Variants in PRKG1 observed in about 807,000 individuals in gnomAD.
PRKG1 encodes cGMP-dependent protein kinase 1.
In PRKG1, 35 loss-of-function variants were observed where a neutral mutation model predicts 88.1. The observed-to-expected ratio is 0.40, with a 90% CI of 0.30 to 0.53. PRKG1 has a LOEUF of 0.53. PRKG1 is among the 20% of genes least tolerant of loss of function. The pLI is 0.59. For synonymous variants in PRKG1, 303 were observed against 292.5 expected (o/e 1.04, Z -0.37); for missense variants, 540 against 839.8 (o/e 0.64, Z 4.41).
At chr10:51,732,078 G>T (rs1275175269) in intron 3 of PRKG1, among the ~76,000 whole-genome samples, 2 of 114,566 alleles carry the variant, frequency 1.7e-5, no homozygotes, top group African/African-American at 3.4e-5. Context: ...TGTTTTTGTT[G>T]AAACAGAGTC....
At position 51,074,750 on chromosome 10, in the gene PRKG1, C is replaced by G. The variant is rs1326285215; in HGVS notation, c.160C>G (p.Arg54Gly). ...GCTGGACAAGTACCGCTCGGTGATC[C>G]GACCAGCCACCCAGCAGGCGCAGAA... The part of the protein sequence containing the change: ...NELDKYRSVI[R>G]PATQQAQKQS... Residue 54 changes from arginine to glycine, a missense_variant, in exon 1 of 18, where the codon CGA (arginine) becomes GGA (glycine). Physicochemically the swap from Arg to Gly is moderately radical, Grantham distance 125. Coordinates refer to ENST00000373980, the MANE Select transcript of PRKG1 (RefSeq NM_006258.4). The G allele has an allele frequency of 3.7e-6, 6 of 1,613,946 alleles. No individual in the cohort carries two copies. The highest frequency in any genetic ancestry group is 1.1e-5 in the South Asian group (1 of 91,040).
chr10:51,269,706 A>T (rs571869560), intron 2 of PRKG1, among the ~76,000 whole-genome samples: 1 of 152,100 alleles, frequency 6.6e-6, no homozygotes, highest in African/African-American at 2.4e-5. Context: ...GACTTTAGGG[A>T]CTCAGGCGGA....
chr10:51,604,657 T>C (rs1200648391), intron 3 of PRKG1, among the ~76,000 whole-genome samples: 1 of 152,206 alleles, frequency 6.6e-6, no homozygotes, highest in Non-Finnish European at 1.5e-5. Context: ...AGAGTTTCTT[T>C]ATTCCAATCA....
intron 2 of PRKG1, among the ~76,000 whole-genome samples, chr10:51,433,458 T>G (rs1219882508): frequency 6.6e-6 from 1 of 152,050 alleles, no homozygotes; most frequent in Non-Finnish European, 1.5e-5. Flanking sequence ...AGATCACAGA[T>G]GGAAAGTCCA....
intron 9 of PRKG1, among the ~76,000 whole-genome samples, chr10:52,251,209 A>G (rs2132399960): frequency 6.6e-6 from 1 of 152,228 alleles, no homozygotes; most frequent in South Asian, 2.1e-4. Flanking sequence ...AAGCAAAACC[A>G]AAAAATCTAA....
chr10:51,825,218 G>A (rs1390853063), intron 4 of PRKG1, among the ~76,000 whole-genome samples: 1 of 152,010 alleles, frequency 6.6e-6, no homozygotes, highest in Non-Finnish European at 1.5e-5. Context: ...TTTCTGTATG[G>A]GCTAGAAATT....
intron 3 of PRKG1, among the ~76,000 whole-genome samples, chr10:51,687,632 G>T (rs1197504910): frequency 6.6e-6 from 1 of 152,170 alleles, no homozygotes; most frequent in Non-Finnish European, 1.5e-5. Context: ...AGATTTGTGG[G>T]ATTAGAGAAC....
At chr10:52,099,686 TATAAG>T (rs1847252101) in intron 7 of PRKG1, among the ~76,000 whole-genome samples, 2 of 152,218 alleles carry the variant, frequency 1.3e-5, no homozygotes, top group Non-Finnish European at 2.9e-5. Context: ...CAGGGTCATC[TATAAG>T]ATGTTACCAT....
rs780463877 is a variant in PRKG1 at position 51,074,789 on chromosome 10, A to T, written c.199A>T (p.Thr67Ser). 1 of 1,613,836 alleles carries T rather than the reference A, an allele frequency of 6.2e-7. No individual in the cohort carries two copies. The highest frequency in any genetic ancestry group is 1.7e-5 in the Admixed American group (1 of 59,996). The change falls in exon 1 of 18, where the codon ACC becomes TCC. Residue 67 changes from threonine to serine, a missense_variant. Thr to Ser is a moderately conservative substitution (Grantham distance 58). This residue lies in a region of PRKG1 where 400 missense variants were observed against 562.7 expected (regional missense o/e 0.71). Transcript: ENST00000373980. ...TQQAQKQSASTLQGEPRTKRQ... is the reference protein window; with the variant it reads ...TQQAQKQSASSLQGEPRTKRQ... ...GCAGGCGCAGAAGCAGAGCGCGAGC[A>T]CCTTGCAGGGCGAGCCGCGCACCAA...
At chr10:51,716,735 C>G (rs1186679874) in intron 3 of PRKG1, among the ~76,000 whole-genome samples, 1 of 152,142 alleles carries the variant, frequency 6.6e-6, no homozygotes, top group Non-Finnish European at 1.5e-5. Context: ...GTCTGTTGCA[C>G]AGGCCAGAGT....
Position 51,684,393 on chromosome 10 carries a change from G to A in PRKG1, c.593-120192G>A, listed in dbSNP as rs370402988. Reference sequence around the variant, plus strand: ...GGGTGATGAATATGTTCTAAATGTAGGTGTGGTGGTGGCTGCACAACTCTA... The same window carrying A: ...GGGTGATGAATATGTTCTAAATGTAAGTGTGGTGGTGGCTGCACAACTCTA... On this transcript the variant is annotated intron_variant, in intron 3 of 17. Coordinates refer to ENST00000373980, the MANE Select transcript of PRKG1 (RefSeq NM_006258.4). Among the ~76,000 whole-genome samples, 22 of 152,124 alleles carry A rather than the reference G, an allele frequency of 1.4e-4. No homozygotes were observed. In the East Asian group the frequency reaches 3.9e-3, roughly 27 times the overall value.
chr10:51,773,894 C>T (rs1265514953), intron 3 of PRKG1, among the ~76,000 whole-genome samples: 1 of 152,070 alleles, frequency 6.6e-6, no homozygotes, highest in Non-Finnish European at 1.5e-5. Flanking sequence ...GCAACTATGT[C>T]ATTTTCACCC....
intron 3 of PRKG1, among the ~76,000 whole-genome samples, chr10:51,590,270 T>G (rs1481307826): frequency 6.6e-6 from 1 of 152,180 alleles, no homozygotes; most frequent in African/African-American, 2.4e-5. Flanking sequence ...CTTCTTTGTC[T>G]TCCTATTGCA....
chr10:51,877,802 T>G (rs570316002), intron 4 of PRKG1, among the ~76,000 whole-genome samples: 1 of 152,338 alleles, frequency 6.6e-6, no homozygotes, highest in South Asian at 2.1e-4. Context: ...ATAAAGATAA[T>G]TTGAAGTATA....
intron 3 of PRKG1, among the ~76,000 whole-genome samples, chr10:51,469,061 C>G (rs1197603573): frequency 6.6e-6 from 1 of 151,710 alleles, no homozygotes; most frequent in African/African-American, 2.4e-5. Flanking sequence ...CATGTTTTTA[C>G]TTCAAGTGAT....
At chr10:51,376,770 G>A (rs574704595) in intron 2 of PRKG1, among the ~76,000 whole-genome samples, 142 of 152,168 alleles carry the variant, frequency 9.3e-4, no homozygotes, top group African/African-American at 3.3e-3. Context: ...CACCTCCTGC[G>A]TTCAAGTGAT....
rs1233543001 is a variant in PRKG1, at chr10:50,991,241, C to T, written c.-138C>T. 3 of 1,301,174 alleles carry T rather than the reference C, an allele frequency of 2.3e-6. No individual in the cohort carries two copies. In the African/African-American group the frequency reaches 4.8e-5, roughly 21 times the overall value. The allele number at this position is 1,301,174 out of a possible 1,614,324, so 80.6% of individuals were successfully genotyped here. The stretch of plus-strand genomic sequence containing the variant: ...CCCCGCGCCGCATTAGGGGCGCACT[C>T]CGCCGCGCTCGAGTACTTAGCGCCC... On this transcript the variant is annotated 5_prime_UTR_variant, in exon 1 of 18. Coordinates refer to the PRKG1 transcript ENST00000401604. The surrounding 1 kb of genome is among the most constrained non-coding windows in gnomAD (Gnocchi z 4.5).
chr10:51,801,079 C>A (rs1445606721), intron 3 of PRKG1, among the ~76,000 whole-genome samples: 1 of 152,064 alleles, frequency 6.6e-6, no homozygotes, highest in Non-Finnish European at 1.5e-5. Context: ...ATTCACAGCC[C>A]CAGAAGCTTA....
rs139046327 is a variant in PRKG1 at position 52,123,749 on chromosome 10, G to A, written c.936-10091G>A. 4.7e-3 allele frequency among the ~76,000 whole-genome samples: 721 copies of A among 151,878 alleles called. 4 individuals are homozygous for A. The highest frequency in any genetic ancestry group is 0.016 in the African/African-American group (683 of 41,408). ...TTTCTTAAAACTTCATTCTATCATGGCTACAAATTGTTTCCTCTACTTGAG... is the reference window on the plus strand; with the variant it reads ...TTTCTTAAAACTTCATTCTATCATGACTACAAATTGTTTCCTCTACTTGAG... On this transcript the variant is annotated intron_variant, in intron 7 of 17. Coordinates refer to ENST00000373980, the MANE Select transcript of PRKG1 (RefSeq NM_006258.4).
Sources: allele counts gnomAD v4.1 joint callset (sites outside exome capture counted in the v4.1 genomes callset), GRCh38; gene constraint gnomAD v4.1.1; regional missense constraint gnomAD v4.1.1; non-coding constraint Gnocchi (gnomAD v3.1); transcripts MANE v1.5; gene names NCBI Gene and HGNC (gene_info 2026-07-23, HGNC 2026-07-21).